The following ZNF704 variants were observed in gnomAD, a reference collection of about 807,000 sequenced individuals.
ZNF704 encodes zinc finger protein 704.
Under a neutral mutation model 44.7 loss-of-function variants are expected in ZNF704, and 10 were observed. That is an observed-to-expected ratio of 0.22 (90% confidence interval 0.14 to 0.38). The LOEUF (loss-of-function observed/expected upper bound fraction) is 0.38, where lower values mean the gene tolerates loss of function less well. ZNF704 is among the 10% of genes least tolerant of loss of function. The pLI, the probability that ZNF704 is intolerant of heterozygous loss-of-function variation, is 1.00. For synonymous variants in ZNF704, 211 were observed against 207.6 expected (o/e 1.02, Z -0.14); for missense variants, 390 against 545.5 (o/e 0.71, Z 2.84).
intron 2 of ZNF704, among the ~76,000 whole-genome samples, chr8:80,756,800 G>C (rs1397154938): frequency 6.6e-6 from 1 of 152,182 alleles, no homozygotes; most frequent in Non-Finnish European, 1.5e-5. Flanking sequence ...TTAACCTTCT[G>C]AGTGCTAGTT....
intron 4 of ZNF704, among the ~76,000 whole-genome samples, chr8:80,685,903 T>C (rs1269554111): frequency 6.6e-6 from 1 of 152,216 alleles, no homozygotes; most frequent in Non-Finnish European, 1.5e-5. Context: ...TGCACTGCAG[T>C]CCTCAGGGCT....
rs1177594259 is a variant in ZNF704, at chr8:80,821,506, T to C, written c.89A>G (p.Glu30Gly). 8.1e-6 allele frequency: 13 copies of C among 1,614,056 alleles called. No homozygotes were observed. Among genetic ancestry groups the C allele is most frequent in the African/African-American group, 8.0e-5 (6 of 74,930 alleles). Residue 30 changes from glutamate to glycine, a missense_variant, in exon 2 of 9, where the codon GAA becomes GGA. Glu to Gly is a moderately conservative substitution (Grantham distance 98, BLOSUM62 -2). Around this residue, in one of 3 missense-constraint regions of ZNF704, gnomAD observed 80 missense variants for 83.7 expected, o/e 0.96. Coordinates refer to ENST00000327835, the MANE Select transcript of ZNF704 (RefSeq NM_001033723.3). ...TTTGGTGTCTGCTGTTTTCACATCTTCCTCCATGGCCAAGGAAAACACGTG... is the reference window on the plus strand; with the variant it reads ...TTTGGTGTCTGCTGTTTTCACATCTCCCTCCATGGCCAAGGAAAACACGTG... ...HQHVFSLAME[E>G]DVKTADTKKA...
chr8:80,733,116 T>C (rs1355696260), intron 2 of ZNF704, among the ~76,000 whole-genome samples: 1 of 152,138 alleles, frequency 6.6e-6, no homozygotes, highest in Non-Finnish European at 1.5e-5. Context: ...CACCCACCCA[T>C]TAAGTTTTTA....
rs138445310 is a variant in ZNF704, at chr8:80,871,845, G to A, written c.-22+2726C>T. ...ACCTCAAATGACTCCAACATTCTGT[G>A]TAAATTTCTGAAGTTGTGGGCAAAT... is the stretch of plus-strand genomic sequence containing the variant. On this transcript the variant is annotated intron_variant, in intron 1 of 8. Coordinates refer to ENST00000327835, the MANE Select transcript of ZNF704 (RefSeq NM_001033723.3). Among the ~76,000 whole-genome samples the A allele has an allele frequency of 3.9e-5, 6 of 152,282 alleles. No homozygotes were observed. In the East Asian group the frequency reaches 1.2e-3, roughly 29 times the overall value.
At chr8:80,649,312 T>C (rs1194708910) in intron 7 of ZNF704, among the ~76,000 whole-genome samples, 1 of 152,094 alleles carries the variant, frequency 6.6e-6, no homozygotes, top group East Asian at 1.9e-4. Flanking sequence ...TGTCAGATAG[T>C]GGGTGCACGA....
rs755505542 is a variant in ZNF704, at chr8:80,664,873, G to A, written c.869C>T (p.Pro290Leu). 4.3e-6 allele frequency: 7 copies of A among 1,614,074 alleles called. No homozygotes were observed. Among genetic ancestry groups the A allele is most frequent in the Admixed American group, 1.7e-5 (1 of 60,006 alleles). The stretch of plus-strand genomic sequence containing the variant: ...GGTGGTGGGAGCTGAGCGGCTCAAC[G>A]GCGTCATCAACTTAGTCTCCGTTTT... ...CAKTETKLMT[P>L]LSRSAPTTLY... The change falls in exon 6 of 9, where the codon CCG (proline) becomes CTG (leucine). Residue 290 changes from proline to leucine, a missense_variant. Coordinates refer to ENST00000327835, the MANE Select transcript of ZNF704 (RefSeq NM_001033723.3).
rs558045217 is a variant in ZNF704 at position 80,680,827 on chromosome 8, G to A, written c.558+6399C>T. 3.9e-5 allele frequency among the ~76,000 whole-genome samples: 6 copies of A among 152,196 alleles called. No individual in the cohort carries two copies. The South Asian group carries it at 1.2e-3, about 32-fold the overall frequency. On this transcript the variant is annotated intron_variant, in intron 4 of 8. Transcript: ENST00000327835. ...ATTTTGGATCTTCAAGGTGTGTGGG[G>A]TTAATACAAAGTAACAGGTGAATTC...
intron 2 of ZNF704, among the ~76,000 whole-genome samples, chr8:80,777,327 T>C (rs886503864): frequency 7.9e-5 from 12 of 152,210 alleles, no homozygotes; most frequent in Non-Finnish European, 1.5e-4. Flanking sequence ...GCTTGTTAAA[T>C]GAATAGTGAA....
intron 2 of ZNF704, among the ~76,000 whole-genome samples, chr8:80,799,853 A>T (rs111345566): frequency 9.2e-5 from 14 of 152,320 alleles, no homozygotes; most frequent in African/African-American, 9.6e-5. Context: ...GAAAGCAGGT[A>T]ATAACAACAA....
intron 4 of ZNF704, among the ~76,000 whole-genome samples, chr8:80,685,473 C>G (rs1818520574): frequency 6.6e-6 from 1 of 152,206 alleles, no homozygotes; most frequent in South Asian, 2.1e-4. Flanking sequence ...CCCAGGGAGA[C>G]AGTCTGTGAA....
At chr8:80,671,598 T>G (rs1182875026) in intron 4 of ZNF704, among the ~76,000 whole-genome samples, 3 of 152,184 alleles carry the variant, frequency 2.0e-5, no homozygotes, top group Non-Finnish European at 2.9e-5. Flanking sequence ...TTATAGAAAG[T>G]GAGTTTTCTC....
intron 1 of ZNF704, among the ~76,000 whole-genome samples, 156 bp from the exon 2 acceptor site, chr8:80,821,771 T>C (rs1808275569): frequency 1.3e-5 from 2 of 152,096 alleles, no homozygotes; most frequent in Non-Finnish European, 1.5e-5. Context: ...AGAAATAAAA[T>C]AACTTCACAA....
chr8:80,873,810 C>T, intron 1 of ZNF704: 1 of 150,512 alleles, frequency 6.6e-6, no homozygotes, highest in African/African-American at 2.4e-5. Context: ...GACGAGGCGG[C>T]GGCGGCGGCC....
intron 2 of ZNF704, among the ~76,000 whole-genome samples, chr8:80,763,311 T>C (rs922306672): frequency 9.9e-5 from 15 of 152,178 alleles, no homozygotes; most frequent in African/African-American, 3.6e-4. Flanking sequence ...CAGCAAGCAT[T>C]TCCTTACATT....
chr8:80,758,776 A>T (rs1807080326), intron 2 of ZNF704, among the ~76,000 whole-genome samples: 1 of 152,196 alleles, frequency 6.6e-6, no homozygotes, highest in African/African-American at 2.4e-5. Flanking sequence ...GCATTTTATA[A>T]TCAATCAAGT....
At chr8:80,675,742 G>T (rs752219440) in intron 4 of ZNF704, among the ~76,000 whole-genome samples, 1 of 152,174 alleles carries the variant, frequency 6.6e-6, no homozygotes, top group Non-Finnish European at 1.5e-5. Context: ...TGAGTTGTGG[G>T]TGAGTTTTGG....
intron 5 of ZNF704, among the ~76,000 whole-genome samples, chr8:80,669,075 T>C (rs960706515): frequency 2.6e-5 from 4 of 152,164 alleles, no homozygotes; most frequent in African/African-American, 9.7e-5. Flanking sequence ...CCCCAGGAAC[T>C]CACAGGACTA....
chr8:80,676,225 C>T (rs917981255), intron 4 of ZNF704, among the ~76,000 whole-genome samples: 2 of 151,968 alleles, frequency 1.3e-5, no homozygotes, highest in African/African-American at 2.4e-5. Flanking sequence ...AGAGTAAGTG[C>T]CAATGTTTTC....
Position 80,683,072 on chromosome 8 carries a change from T to C in ZNF704, c.558+4154A>G, listed in dbSNP as rs1319483565. 5.9e-5 allele frequency among the ~76,000 whole-genome samples: 9 copies of C among 152,274 alleles called. No individual in the cohort carries two copies. The East Asian group carries it at 1.7e-3, about 29-fold the overall frequency. On this transcript the variant is annotated intron_variant, in intron 4 of 8. Coordinates refer to ENST00000327835, the MANE Select transcript of ZNF704 (RefSeq NM_001033723.3). The stretch of plus-strand genomic sequence containing the variant: ...CTTTGGCCTTCCATAGAATTCATTT[T>C]CTCCCACGAACTCCCCGAATGGCTG...
Sources: gnomAD v4.1 joint callset for allele counts (sites outside exome capture counted in the v4.1 genomes callset) on GRCh38, gnomAD v4.1.1 for gene constraint, gnomAD v4.1.1 regional missense constraint, MANE v1.5 for transcripts, NCBI Gene and HGNC (gene_info 2026-07-23, HGNC 2026-07-21) for gene names.